The following CDH11 variants were observed in gnomAD, a reference collection of about 807,000 sequenced individuals.
CDH11 encodes cadherin 11, also known as cadherin-11.
A neutral mutation model predicts 67.8 loss-of-function variants in CDH11; 11 were observed. The ratio of observed to expected loss-of-function variants is 0.16; its 90% confidence interval spans 0.10 to 0.27. The LOEUF is 0.27. Ranked by LOEUF, CDH11 falls within the 10% of genes least tolerant of loss-of-function variation. CDH11 has a pLI of 1.00. For missense variants in CDH11, 847 were observed against 1,031.2 expected (o/e 0.82, Z 2.45); for synonymous variants, 419 against 400.0 (o/e 1.05, Z -0.57).
chr16:65,058,173 A>C (rs189131939), intron 1 of CDH11, among the ~76,000 whole-genome samples: 1 of 152,284 alleles, frequency 6.6e-6, no homozygotes. Context: ...AGTGAGCCAA[A>C]ATAGCGCCAC....
At position 64,947,737 on chromosome 16, in the gene CDH11, C is replaced by G. The variant is rs754620937; in HGVS notation, c.2257G>C (p.Gly753Arg). The G allele has an allele frequency of 2.5e-6, 4 of 1,613,930 alleles. No homozygotes were observed. Among genetic ancestry groups the G allele is most frequent in the Non-Finnish European group, 3.4e-6 (4 of 1,179,960 alleles). Residue 753 changes from glycine to arginine, a missense_variant, in exon 13 of 13, where the codon GGG becomes CGG. By Grantham distance (125) the Gly-to-Arg change is moderately radical (BLOSUM62 -2). Coordinates refer to ENST00000268603, the MANE Select transcript of CDH11 (RefSeq NM_001797.4). ...GCCGACTCTAGGGAGCTCAGGGACC[C>G]GGCCACTGAGCCCCTGCCTTCATAA... ...YGYEGRGSVA[G>R]SLSSLESATT...
At chr16:65,007,752 AG>A (rs1342633550) in intron 2 of CDH11, among the ~76,000 whole-genome samples, 1 of 152,188 alleles carries the variant, frequency 6.6e-6, no homozygotes, top group East Asian at 1.9e-4. Flanking sequence ...TGAGCTAGTG[AG>A]GGGCATTTCT....
At chr16:65,099,188 T>C (rs566563762) in intron 1 of CDH11, among the ~76,000 whole-genome samples, 50 of 152,262 alleles carry the variant, frequency 3.3e-4, no homozygotes, top group African/African-American at 1.2e-3. Flanking sequence ...TAATAAATTT[T>C]ATATTACAGG....
At chr16:64,997,507 C>A (rs554514001) in intron 4 of CDH11, among the ~76,000 whole-genome samples, 1 of 152,086 alleles carries the variant, frequency 6.6e-6, no homozygotes, top group South Asian at 2.1e-4. Flanking sequence ...CATCCCCACC[C>A]TTGACACTCA....
Position 65,086,257 on chromosome 16 carries a change from A to G in CDH11, c.-297-32329T>C, listed in dbSNP as rs2074696374. Among the ~76,000 whole-genome samples the G allele has an allele frequency of 5.9e-5, 9 of 152,384 alleles. No homozygotes were observed. The South Asian group carries it at 1.9e-3, about 32-fold the overall frequency. On this transcript the variant is annotated intron_variant, in intron 1 of 12. Transcript: ENST00000268603. ...TACATAGTGGCATGCAGCTAGTACC[A>G]GGATGCTGTAAAACCATACACTAGG...
chr16:65,010,076 A>G (rs1411293227), intron 2 of CDH11, among the ~76,000 whole-genome samples: 2 of 152,222 alleles, frequency 1.3e-5, no homozygotes, highest in Non-Finnish European at 2.9e-5. Context: ...TTGGTTTTTC[A>G]GCTGTCCCCT....
At chr16:65,095,910 T>C (rs986244466) in intron 1 of CDH11, among the ~76,000 whole-genome samples, 5 of 152,204 alleles carry the variant, frequency 3.3e-5, no homozygotes, top group Non-Finnish European at 7.3e-5. Context: ...CCTCTTCCAC[T>C]ATTTGAGAAG....
intron 1 of CDH11, among the ~76,000 whole-genome samples, chr16:65,087,707 A>T (rs1018031765): frequency 9.9e-5 from 15 of 152,204 alleles, no homozygotes; most frequent in African/African-American, 3.6e-4. Context: ...GAATTTTATC[A>T]ATGCTATTAA....
chr16:65,033,817 G>C (rs916022571), intron 2 of CDH11, among the ~76,000 whole-genome samples: 1 of 152,100 alleles, frequency 6.6e-6, no homozygotes, highest in South Asian at 2.1e-4. Context: ...TCCTCCAAGA[G>C]TATGTCATTA....
intron 12 of CDH11, chr16:64,948,506 G>T: frequency 1.0e-6 from 1 of 972,836 alleles, no homozygotes; most frequent in Non-Finnish European, 1.6e-6. Context: ...ATGAGGACAT[G>T]CAGAGCCCTT....
At chr16:65,074,281 C>T (rs867090077) in intron 1 of CDH11, among the ~76,000 whole-genome samples, 8 of 152,020 alleles carry the variant, frequency 5.3e-5, no homozygotes, top group African/African-American at 9.7e-5. Flanking sequence ...AGTGCCAGCT[C>T]GATATACCCA....
intron 1 of CDH11, among the ~76,000 whole-genome samples, chr16:65,089,612 A>G (rs1293488449): frequency 6.6e-6 from 1 of 152,210 alleles, no homozygotes; most frequent in Non-Finnish European, 1.5e-5. Context: ...GATTCAAGTA[A>G]CAAATAGCAT....
At chr16:64,979,548 T>G (rs943470290) in intron 8 of CDH11, among the ~76,000 whole-genome samples, 1 of 152,072 alleles carries the variant, frequency 6.6e-6, no homozygotes, top group African/African-American at 2.4e-5. Flanking sequence ...CCCACTATGA[T>G]AGCTATAATG....
intron 2 of CDH11, among the ~76,000 whole-genome samples, chr16:65,031,702 G>A (rs1283614594): frequency 6.6e-6 from 1 of 152,032 alleles, no homozygotes; most frequent in East Asian, 1.9e-4. Context: ...GCAGGAGGTG[G>A]ATCACATACA....
chr16:65,108,965 G>A (rs1376673787), intron 1 of CDH11, among the ~76,000 whole-genome samples: 1 of 152,046 alleles, frequency 6.6e-6, no homozygotes, highest in Non-Finnish European at 1.5e-5. Context: ...TGGCCAACAT[G>A]GTAAAACCCT....
At chr16:65,101,958 TTTG>T (rs1372743636) in intron 1 of CDH11, among the ~76,000 whole-genome samples, 2 of 152,222 alleles carry the variant, frequency 1.3e-5, no homozygotes, top group Non-Finnish European at 1.5e-5. Flanking sequence ...TGATGGGTTT[TTTG>T]TTGTTGTTTG....
intron 1 of CDH11, among the ~76,000 whole-genome samples, chr16:65,092,766 A>T (rs1308068256): frequency 1.3e-5 from 2 of 150,334 alleles, no homozygotes; most frequent in African/African-American, 5.0e-5. Context: ...GTTCCTCCTC[A>T]TCTTGAGGGA....
chr16:64,947,244 CTTCT>C lies in CDH11; in HGVS notation c.*355_*358del. Reference sequence around the variant, plus strand: ...GTTGTCCTTTCTAATTTTGTGGAAGCTTCTTTGACAACTTAAAAAAGAAGAAAGA... The same window carrying C: ...GTTGTCCTTTCTAATTTTGTGGAAGCTTGACAACTTAAAAAAGAAGAAAGA... On this transcript the variant is annotated 3_prime_UTR_variant, in exon 13 of 13. Transcript: ENST00000268603. 3 of 1,104,124 alleles carry C rather than the reference CTTCT, an allele frequency of 2.7e-6. No homozygotes were observed. Among genetic ancestry groups the C allele is most frequent in the Non-Finnish European group, 2.2e-6 (2 of 902,244 alleles). 68.4% of individuals were successfully genotyped at this position (1,104,124 alleles called of 1,614,324 possible). A position where few individuals can be genotyped will look rare whatever the true frequency, so the allele number is the denominator to read the frequency against.
intron 3 of CDH11, among the ~76,000 whole-genome samples, chr16:65,001,828 G>C (rs1455935028): frequency 6.9e-6 from 1 of 145,522 alleles, no homozygotes; most frequent in Non-Finnish European, 1.5e-5. Context: ...CCCAGTTTCA[G>C]AAACCATTCA....
Sources: gnomAD v4.1 joint callset for allele counts (sites outside exome capture counted in the v4.1 genomes callset) on GRCh38, gnomAD v4.1.1 for gene constraint, MANE v1.5 for transcripts, NCBI Gene and HGNC (gene_info 2026-07-23, HGNC 2026-07-21) for gene names.